RALGAPA2: variants seen among roughly 807,000 people sequenced by gnomAD.
The protein encoded by RALGAPA2 is Ral GTPase activating protein catalytic subunit alpha 2.
Under a neutral mutation model 230.4 loss-of-function variants are expected in RALGAPA2, and 139 were observed. The ratio of observed to expected loss-of-function variants is 0.60; its 90% CI spans 0.53 to 0.69. RALGAPA2 has a LOEUF of 0.69. Ranked by LOEUF, RALGAPA2 falls within the 30% of genes least tolerant of loss-of-function variation. The probability of loss-of-function intolerance (pLI) is 0.00; values close to 1 mark genes in which losing one functional copy is unlikely to be tolerated. For missense variants in RALGAPA2, 2,163 were observed against 2,276.0 expected (o/e 0.95, Z 1.01); for synonymous variants, 847 against 837.8 (o/e 1.01, Z -0.19).
At chr20:20,666,723 GC>G (rs1282315486) in intron 3 of RALGAPA2, among the ~76,000 whole-genome samples, 3 of 152,306 alleles carry the variant, frequency 2.0e-5, no homozygotes, top group Admixed American at 6.5e-5. Context: ...AAAGCCATTA[GC>G]CATTGTATAA....
chr20:20,625,064 C>A (rs1243791590), intron 10 of RALGAPA2, among the ~76,000 whole-genome samples: 1 of 152,112 alleles, frequency 6.6e-6, no homozygotes, highest in Non-Finnish European at 1.5e-5. Flanking sequence ...TGCCTGCCTG[C>A]CTATTTCTGT....
rs1239733450 is a variant in RALGAPA2 at position 20,535,627 on chromosome 20, T to C, written c.3473+118A>G. On this transcript the variant is annotated intron_variant, in intron 26 of 39. Transcript: ENST00000202677. ...TCCTGGCATCATTCTTCCTAGACTT[T>C]TCAGTCTGTATAAGAGCTATGTGAA... 3.7e-6 allele frequency: 5 copies of C among 1,340,240 alleles called. No individual in the cohort carries two copies. The East Asian group carries it at 1.1e-4, about 30-fold the overall frequency. 83.0% of individuals were successfully genotyped at this position (1,340,240 alleles called of 1,614,324 possible).
chr20:20,546,705 G>A lies in RALGAPA2; in HGVS notation c.3284C>T (p.Thr1095Met), dbSNP rs777913073. 72 of 1,595,174 alleles carry A rather than the reference G, an allele frequency of 4.5e-5. No individual in the cohort carries two copies. Among genetic ancestry groups the A allele is most frequent in the African/African-American group, 6.8e-5 (5 of 73,754 alleles). The change falls in exon 24 of 40, where the codon ACG (threonine) becomes ATG (methionine). Residue 1095 changes from threonine (T) to methionine (M), a missense_variant and splice_region_variant. Thr to Met is a moderately conservative substitution (Grantham distance 81, BLOSUM62 -1). Transcript: ENST00000202677. ...GATGCTGAGCATTGTCATACTCACC[G>A]TCAAAATGTCTGTGCTAAGGACCCT... ...AARVLSTDIL[T>M]APRSEAVTVL...
At chr20:20,431,550 G>A (rs558931437) in intron 37 of RALGAPA2, among the ~76,000 whole-genome samples, 1 of 152,164 alleles carries the variant, frequency 6.6e-6, no homozygotes, top group Non-Finnish European at 1.5e-5. Context: ...ATTTTAAAAT[G>A]TATGACACAA....
intron 23 of RALGAPA2, among the ~76,000 whole-genome samples, chr20:20,564,189 A>G (rs886724994): frequency 3.3e-5 from 5 of 152,188 alleles, no homozygotes; most frequent in African/African-American, 1.2e-4. Flanking sequence ...TCATGACCAT[A>G]TATTATTTCT....
chr20:20,553,657 T>A (rs1439503089), intron 23 of RALGAPA2, among the ~76,000 whole-genome samples: 1 of 152,102 alleles, frequency 6.6e-6, no homozygotes, highest in Non-Finnish European at 1.5e-5. Flanking sequence ...CTTTAGGGAA[T>A]GGGAAACATG....
chr20:20,619,017 T>C lies in RALGAPA2; in HGVS notation c.1539+260A>G, dbSNP rs368992988. On this transcript the variant is annotated intron_variant, in intron 12 of 39. Coordinates refer to ENST00000202677, the MANE Select transcript of RALGAPA2 (RefSeq NM_020343.4). ...AATATCAGCCATTTCATATTCACTATATAATAATCTCAAAAAGACTGTAAC... is the reference window on the plus strand; with the variant it reads ...AATATCAGCCATTTCATATTCACTACATAATAATCTCAAAAAGACTGTAAC... Among the ~76,000 whole-genome samples, 29 of 152,342 alleles carry C rather than the reference T, an allele frequency of 1.9e-4. 3 individuals are homozygous for C. The highest frequency in any genetic ancestry group is 5.8e-4 in the African/African-American group (24 of 41,582).
chr20:20,685,484 G>A (rs750175009), intron 1 of RALGAPA2, among the ~76,000 whole-genome samples: 8 of 152,174 alleles, frequency 5.3e-5, no homozygotes, highest in Non-Finnish European at 1.0e-4. Context: ...AGATGGGCAG[G>A]TGTGATTAAG....
intron 39 of RALGAPA2, 110 bp downstream of exon 39, chr20:20,396,585 G>C: frequency 2.0e-6 from 2 of 1,016,950 alleles, no homozygotes; most frequent in Non-Finnish European, 2.9e-6. Flanking sequence ...GGCCCAGGAG[G>C]GCGAGGAGCA....
chr20:20,698,739 TA>T (rs1158311506), intron 1 of RALGAPA2, among the ~76,000 whole-genome samples: 5 of 152,176 alleles, frequency 3.3e-5, no homozygotes, highest in Middle Eastern at 3.4e-3. Context: ...TTCACATCAA[TA>T]AAAAAAATTA....
chr20:20,582,719 T>C (rs370212153), intron 20 of RALGAPA2, among the ~76,000 whole-genome samples: 1 of 152,224 alleles, frequency 6.6e-6, no homozygotes, highest in Non-Finnish European at 1.5e-5. Flanking sequence ...GTAACTTACA[T>C]ACTGTATATG....
Position 20,605,223 on chromosome 20 carries a change from G to A in RALGAPA2, c.1990C>T (p.Pro664Ser). The change falls in exon 15 of 40, where the codon CCT becomes TCT. Residue 664 changes from proline to serine, a missense_variant. Physicochemically the swap from Pro to Ser is moderately conservative, Grantham distance 74. Transcript: ENST00000202677. ...TVYGVEMTNL[P>S]LDKLSEQKEK... ...TTTTGTTCACTTAATTTATCCAGAGGTAGGTTTGTCATCTCAACTCCATAA... is the reference window on the plus strand; with the variant it reads ...TTTTGTTCACTTAATTTATCCAGAGATAGGTTTGTCATCTCAACTCCATAA... 6.2e-7 allele frequency: 1 copy of A among 1,613,696 alleles called. No individual in the cohort carries two copies. Among genetic ancestry groups the A allele is most frequent in the Non-Finnish European group, 8.5e-7 (1 of 1,179,730 alleles).
chr20:20,629,578 C>T lies in RALGAPA2; in HGVS notation c.1018G>A (p.Gly340Ser). ...TCAGGCGCTCTCTCCTGCACAGCACCACCACCAACAGTCTGGAAGAAAGTC... is the reference window on the plus strand; with the variant it reads ...TCAGGCGCTCTCTCCTGCACAGCACTACCACCAACAGTCTGGAAGAAAGTC... ...LPKIIQTVGG[G>S]AVQERAPELD... The change falls in exon 10 of 40, where the codon GGT becomes AGT. Residue 340 changes from glycine (G) to serine (S), a missense_variant. Gly to Ser is a moderately conservative substitution (Grantham distance 56). Transcript: ENST00000202677. The T allele has an allele frequency of 6.2e-7, 1 of 1,613,310 alleles. No homozygotes were observed. The highest frequency in any genetic ancestry group is 8.5e-7 in the Non-Finnish European group (1 of 1,179,874).
intron 27 of RALGAPA2, among the ~76,000 whole-genome samples, chr20:20,531,047 C>A (rs1021705997): frequency 4.6e-5 from 7 of 152,216 alleles, no homozygotes; most frequent in African/African-American, 1.7e-4. Context: ...CCACACAGAT[C>A]TGCTTTTATT....
chr20:20,496,169 A>C (rs1411309578), intron 35 of RALGAPA2, among the ~76,000 whole-genome samples: 5 of 149,526 alleles, frequency 3.3e-5, no homozygotes, highest in African/African-American at 1.0e-4. Context: ...TCTTATACAC[A>C]AAGAGGCTGT....
rs574952116 is a variant in RALGAPA2 at position 20,502,580 on chromosome 20, G to A, written c.5208+771C>T. On this transcript the variant is annotated intron_variant, in intron 35 of 39. Coordinates refer to ENST00000202677, the MANE Select transcript of RALGAPA2 (RefSeq NM_020343.4). ...CTGATCCCTGGTCTGCCTGTCACCG[G>A]AGCCTGGCTATAACCACCACAGTAG... Among the ~76,000 whole-genome samples the A allele has an allele frequency of 8.3e-4, 127 of 152,272 alleles. 1 individual carries two copies. Among genetic ancestry groups the A allele is most frequent in the Admixed American group, 1.4e-3 (21 of 15,294 alleles).
At chr20:20,595,962 AC>A (rs772846384) in intron 16 of RALGAPA2, among the ~76,000 whole-genome samples, 2 of 152,130 alleles carry the variant, frequency 1.3e-5, no homozygotes, top group African/African-American at 4.8e-5. Flanking sequence ...TCAAAAAAAA[AC>A]AAACAAAAAA....
chr20:20,549,033 T>C (rs1347863247), intron 23 of RALGAPA2, among the ~76,000 whole-genome samples: 1 of 152,224 alleles, frequency 6.6e-6, no homozygotes, highest in African/African-American at 2.4e-5. Context: ...TCTGTTGAGA[T>C]GTGGAACTAA....
At chr20:20,712,644 CAGGAAGGAGGG>C, upstream of RALGAPA2, among the ~76,000 whole-genome samples, 1 of 151,906 alleles carries the variant, frequency 6.6e-6, no homozygotes, top group African/African-American at 2.4e-5. This position sits in a 1 kb window ranked among gnomAD's most constrained non-coding sequence, Gnocchi z 5.5. Context: ...GCTGTGTCTC[CAGGAAGGAGGG>C]GCGGGCCGGT....
Sources: allele counts gnomAD v4.1 joint callset (sites outside exome capture counted in the v4.1 genomes callset), GRCh38; gene constraint gnomAD v4.1.1; non-coding constraint Gnocchi (gnomAD v3.1); transcripts MANE v1.5; gene names NCBI Gene and HGNC (gene_info 2026-07-23, HGNC 2026-07-21).